Variants in KCNU1 observed in about 807,000 individuals in gnomAD.
KCNU1 encodes potassium calcium-activated channel subfamily U member 1, also known as potassium channel subfamily U member 1.
KCNU1 carries 93 observed loss-of-function variants against 126.8 expected under a neutral mutation model. The ratio of observed to expected loss-of-function variants is 0.73; its 90% CI spans 0.62 to 0.87. The LOEUF (loss-of-function observed/expected upper bound fraction) is 0.87, where lower values mean the gene tolerates loss of function less well. Among genes scored for constraint, KCNU1 ranks in the 40% least tolerant of loss-of-function variants. The pLI, the probability that KCNU1 is intolerant of heterozygous loss-of-function variation, is 0.00. For synonymous variants in KCNU1, 523 were observed against 494.2 expected, an observed-to-expected ratio of 1.06 and a Z score of -0.77; for missense variants, 1,330 against 1,367.1, an observed-to-expected ratio of 0.97 and a Z score of 0.43.
chr8:36,786,890 C>T (rs375059367), intron 1 of KCNU1, among the ~76,000 whole-genome samples: 10 of 152,216 alleles, frequency 6.6e-5, no homozygotes, highest in Non-Finnish European at 8.8e-5. Flanking sequence ...TCACAAAATG[C>T]GGACACTTAA....
chr8:36,821,572 C>A (rs2130493195), intron 10 of KCNU1, among the ~76,000 whole-genome samples: 2 of 152,218 alleles, frequency 1.3e-5, no homozygotes, highest in South Asian at 4.1e-4. Flanking sequence ...AGAGATGAGA[C>A]TTTGGGAGGA....
chr8:36,784,451 TG>T lies in KCNU1; in HGVS notation c.42del (p.Leu14PhefsTer20). 3.1e-6 allele frequency: 5 copies of T among 1,613,636 alleles called. No individual in the cohort carries two copies. Among genetic ancestry groups the T allele is most frequent in the Non-Finnish European group, 4.2e-6 (5 of 1,179,748 alleles). On this transcript the variant is annotated frameshift_variant, in exon 1 of 27. Transcript: ENST00000399881. LOFTEE classifies it high-confidence loss of function. ...TKLRNETWEDLPKMSCTTEIQ... is the reference protein window; with the variant it reads ...TKLRNETWEDXPKMSCTTEIQ... ...CTACGAAATGAAACTTGGGAAGACTTGCCAAAAATGTCCTGCACAACTGAGA... is the reference window on the plus strand; with the variant it reads ...CTACGAAATGAAACTTGGGAAGACTTCCAAAAATGTCCTGCACAACTGAGA...
chr8:36,925,293 G>A (rs988898237), intron 24 of KCNU1, among the ~76,000 whole-genome samples: 1 of 152,164 alleles, frequency 6.6e-6, no homozygotes, highest in Non-Finnish European at 1.5e-5. Context: ...CTTATTTTAG[G>A]ACTGGCATTT....
At chr8:36,805,888 G>A (rs1017180403) in intron 4 of KCNU1, among the ~76,000 whole-genome samples, 1 of 151,898 alleles carries the variant, frequency 6.6e-6, no homozygotes, top group African/African-American at 2.4e-5. Flanking sequence ...TTGTCACCTA[G>A]GCTGCAGTAC....
At chr8:36,881,057 TG>T (rs1806456772) in intron 19 of KCNU1, among the ~76,000 whole-genome samples, 1 of 151,984 alleles carries the variant, frequency 6.6e-6, no homozygotes, top group Non-Finnish European at 1.5e-5. Flanking sequence ...GGGAGGAACA[TG>T]GTGCTCCAAG....
At chr8:36,850,358 A>T (rs1056352256) in intron 18 of KCNU1, among the ~76,000 whole-genome samples, 1 of 152,052 alleles carries the variant, frequency 6.6e-6, no homozygotes, top group Non-Finnish European at 1.5e-5. Context: ...GCTTTTGTGC[A>T]ATATCTAAGA....
rs547176872 is a variant in KCNU1 at position 36,789,680 on chromosome 8, G to A, written c.315+2255G>A. Among the ~76,000 whole-genome samples the A allele has an allele frequency of 2.6e-5, 4 of 152,316 alleles. No homozygotes were observed. In the South Asian group the frequency reaches 8.3e-4, roughly 32 times the overall value. On this transcript the variant is annotated intron_variant, in intron 2 of 26. Coordinates refer to ENST00000399881, the MANE Select transcript of KCNU1 (RefSeq NM_001031836.3). ...GAGGAATGCCATGAGGGAAATATGA[G>A]TGAAGTGTTTGTGAGGTATGGTTGT...
intron 19 of KCNU1, among the ~76,000 whole-genome samples, chr8:36,874,494 G>A (rs1806210844): frequency 6.6e-6 from 1 of 152,094 alleles, no homozygotes; most frequent in South Asian, 2.1e-4. Flanking sequence ...GGTACAGAGT[G>A]GCAGGACATT....
rs759623164 is a variant in KCNU1, at chr8:36,818,650, T to A, written c.1106+890T>A. The stretch of plus-strand genomic sequence containing the variant: ...AAATGATTCATCGGTTACCCAAATA[T>A]CATTCACTAAATAAGTCAGCCAGAT... On this transcript the variant is annotated intron_variant, in intron 10 of 26. Coordinates refer to ENST00000399881, the MANE Select transcript of KCNU1 (RefSeq NM_001031836.3). Among the ~76,000 whole-genome samples the A allele has an allele frequency of 2.0e-5, 3 of 152,216 alleles. No individual in the cohort carries two copies. In the East Asian group the frequency reaches 5.8e-4, roughly 29 times the overall value.
intron 9 of KCNU1, among the ~76,000 whole-genome samples, chr8:36,817,105 G>A (rs2130472947): frequency 6.6e-6 from 1 of 152,298 alleles, no homozygotes; most frequent in East Asian, 1.9e-4. Flanking sequence ...CAATTTAAAT[G>A]TTTGGCTTCA....
chr8:36,843,907 G>A (rs1805046956), intron 16 of KCNU1, among the ~76,000 whole-genome samples: 1 of 152,114 alleles, frequency 6.6e-6, no homozygotes, highest in South Asian at 2.1e-4. Context: ...AACATTCTCT[G>A]ATAGAGCAAC....
intron 19 of KCNU1, among the ~76,000 whole-genome samples, chr8:36,865,897 G>A (rs1349561456): frequency 1.3e-5 from 2 of 151,736 alleles, no homozygotes; most frequent in African/African-American, 4.8e-5. Context: ...TGAACCTAAT[G>A]CACATTATGC....
At chr8:36,814,075 A>G (rs1341867870) in intron 7 of KCNU1, 132 bp from the exon 8 acceptor site, 1 of 660,456 alleles carries the variant, frequency 1.5e-6, no homozygotes, top group African/African-American at 1.8e-5. Flanking sequence ...AACTCTTCAT[A>G]GCAACCTGAA....
rs764360041 is a variant in KCNU1, at chr8:36,864,372, G to A, written c.1892-32G>A. ...CCAACAATCCCTTGTGAAGAGATGT[G>A]CCAACTCACTGAGATTTCTATCCTA... On this transcript the variant is annotated intron_variant, in intron 18 of 26. Coordinates refer to ENST00000399881, the MANE Select transcript of KCNU1 (RefSeq NM_001031836.3). The A allele has an allele frequency of 2.4e-6, 3 of 1,266,218 alleles. No individual in the cohort carries two copies. In the Admixed American group the frequency reaches 5.0e-5, roughly 21 times the overall value. 78.4% of individuals were successfully genotyped at this position (1,266,218 alleles called of 1,614,324 possible). A position where few individuals can be genotyped will look rare whatever the true frequency, so the allele number is the denominator to read the frequency against.
chr8:36,822,124 C>A (rs1563276747), intron 10 of KCNU1, among the ~76,000 whole-genome samples: 1 of 152,090 alleles, frequency 6.6e-6, no homozygotes, highest in African/African-American at 2.4e-5. Flanking sequence ...AAGATATCAA[C>A]AAGTGACAGT....
At chr8:36,900,000 A>C (rs2117483171) in intron 19 of KCNU1, among the ~76,000 whole-genome samples, 1 of 152,216 alleles carries the variant, frequency 6.6e-6, no homozygotes, top group Admixed American at 6.5e-5. Flanking sequence ...TGGTTTCCTA[A>C]GGTTTTCCCA....
At chr8:36,830,094 TA>T (rs1295653172) in intron 10 of KCNU1, among the ~76,000 whole-genome samples, 1 of 149,668 alleles carries the variant, frequency 6.7e-6, no homozygotes, top group African/African-American at 2.4e-5. Flanking sequence ...ATCTTTGTAA[TA>T]AAATAAAATA....
At chr8:36,924,688 T>G (rs1465478286) in intron 24 of KCNU1, among the ~76,000 whole-genome samples, 1 of 152,200 alleles carries the variant, frequency 6.6e-6, no homozygotes, top group African/African-American at 2.4e-5. Flanking sequence ...TCACTGTCTG[T>G]CACTGATATG....
chr8:36,823,544 G>C (rs889059309), intron 10 of KCNU1, among the ~76,000 whole-genome samples: 1 of 152,000 alleles, frequency 6.6e-6, no homozygotes, highest in Non-Finnish European at 1.5e-5. Flanking sequence ...TCAAGTAAAA[G>C]TGTATAAGGA....
Sources: gnomAD v4.1 joint callset for allele counts (sites outside exome capture counted in the v4.1 genomes callset) on GRCh38, gnomAD v4.1.1 for gene constraint, MANE v1.5 for transcripts, NCBI Gene and HGNC (gene_info 2026-07-23, HGNC 2026-07-21) for gene names.